The following CDH13 variants were observed in gnomAD, a reference collection of about 807,000 sequenced individuals.
CDH13 encodes cadherin-13.
A neutral mutation model predicts 63.8 loss-of-function variants in CDH13; 24 were observed. That is an observed-to-expected ratio of 0.38 (90% CI 0.27 to 0.53). The LOEUF (loss-of-function observed/expected upper bound fraction) is 0.53, where lower values mean the gene tolerates loss of function less well. Ranked by LOEUF, CDH13 falls within the 20% of genes least tolerant of loss-of-function variation. The probability of loss-of-function intolerance (pLI) is 0.85; values close to 1 mark genes in which losing one functional copy is unlikely to be tolerated. For missense variants in CDH13, 1,049 were observed against 903.1 expected, an observed-to-expected ratio of 1.16 and a Z score of -2.07; for synonymous variants, 503 against 355.3, an observed-to-expected ratio of 1.42 and a Z score of -4.67.
At chr16:83,768,948 C>T (rs1480560597) in intron 11 of CDH13, among the ~76,000 whole-genome samples, 1 of 152,176 alleles carries the variant, frequency 6.6e-6, no homozygotes, top group African/African-American at 2.4e-5. Flanking sequence ...GAATGCAGCC[C>T]AGTAGGTCTC....
chr16:83,566,183 G>C (rs563461267), intron 7 of CDH13, among the ~76,000 whole-genome samples: 10 of 152,238 alleles, frequency 6.6e-5, no homozygotes, highest in African/African-American at 2.4e-4. Context: ...GGATGTCCAG[G>C]CATTGGATAA....
Position 82,778,679 on chromosome 16 carries a change from A to G in CDH13, c.46-79683A>G, listed in dbSNP as rs112565997. Among the ~76,000 whole-genome samples, 272 of 150,932 alleles carry G rather than the reference A, an allele frequency of 1.8e-3. 1 individual carries two copies. Among genetic ancestry groups the G allele is most frequent in the Middle Eastern group, 6.8e-3 (2 of 294 alleles). The stretch of plus-strand genomic sequence containing the variant: ...CTCCTTCCTCACTGATTGTTATTCT[A>G]TGCATTTTCTTCCTAAAACTAGTAG... On this transcript the variant is annotated intron_variant, in intron 1 of 13. Transcript: ENST00000567109.
At chr16:82,877,556 C>T (rs2040545590) in intron 2 of CDH13, among the ~76,000 whole-genome samples, 1 of 152,156 alleles carries the variant, frequency 6.6e-6, no homozygotes, top group Admixed American at 6.5e-5. Flanking sequence ...CACTATTCTG[C>T]AGAGTGGTAA....
At chr16:83,578,691 A>G (rs1270187199) in intron 7 of CDH13, among the ~76,000 whole-genome samples, 1 of 152,210 alleles carries the variant, frequency 6.6e-6, no homozygotes, top group African/African-American at 2.4e-5. Context: ...ATGAACATAC[A>G]TAGATGGTCT....
chr16:82,849,481 A>G (rs2039394403), intron 1 of CDH13, among the ~76,000 whole-genome samples: 1 of 152,186 alleles, frequency 6.6e-6, no homozygotes, highest in African/African-American at 2.4e-5. Flanking sequence ...CAGCCTGGTG[A>G]CAGAGTGAGA....
chr16:83,622,211 A>G lies in CDH13; in HGVS notation c.1101+19617A>G, dbSNP rs1488321470. ...ATTGTGCCCATTTCACAGATGAGGA[A>G]ACTGAGGCACAGAGAGGTTTAGGAC... On this transcript the variant is annotated intron_variant, in intron 8 of 13. Coordinates refer to ENST00000567109, the MANE Select transcript of CDH13 (RefSeq NM_001257.5). 2.0e-5 allele frequency among the ~76,000 whole-genome samples: 3 copies of G among 152,160 alleles called. No homozygotes were observed. The East Asian group carries it at 5.8e-4, about 29-fold the overall frequency.
intron 1 of CDH13, among the ~76,000 whole-genome samples, chr16:82,851,448 AAAG>A (rs1407676288): frequency 0.33 from 30,705 of 92,362 alleles, 4,516 homozygotes; most frequent in Non-Finnish European, 0.44. Context: ...AAAAAAATAA[AAAG>A]AAAAAGAAAA....
rs137856299 is a variant in CDH13, at chr16:82,934,390, A to T, written c.157+75917A>T. Among the ~76,000 whole-genome samples the T allele has an allele frequency of 4.0e-3, 614 of 152,230 alleles. 1 individual carries two copies. The highest frequency in any genetic ancestry group is 0.014 in the African/African-American group (572 of 41,548). On this transcript the variant is annotated intron_variant, in intron 2 of 13. Transcript: ENST00000567109. ...AGCACTAAGTCCTTAGGCTGCACAC[A>T]GCTGGGGGGCCCTGGCTCCAGCCCA...
intron 8 of CDH13, among the ~76,000 whole-genome samples, chr16:83,647,765 G>C (rs954568264): frequency 6.6e-6 from 1 of 152,154 alleles, no homozygotes; most frequent in African/African-American, 2.4e-5. Flanking sequence ...TATCTGGTTG[G>C]TGGGTACCAG....
At chr16:83,548,850 C>A (rs2075436902) in intron 7 of CDH13, among the ~76,000 whole-genome samples, 2 of 152,104 alleles carry the variant, frequency 1.3e-5, no homozygotes, top group African/African-American at 2.4e-5. Context: ...ATGATCCTTG[C>A]ATTAGAATGG....
chr16:83,301,374 C>T (rs919540515), intron 5 of CDH13, among the ~76,000 whole-genome samples: 1 of 152,010 alleles, frequency 6.6e-6, no homozygotes, highest in Non-Finnish European at 1.5e-5. Flanking sequence ...TACATTTATC[C>T]ACTCTACCTC....
At chr16:83,587,305 C>A in intron 7 of CDH13, among the ~76,000 whole-genome samples, 1 of 152,114 alleles carries the variant, frequency 6.6e-6, no homozygotes, top group Admixed American at 6.5e-5. Context: ...AATTAGTGGG[C>A]AGGGACCATT....
chr16:83,550,829 T>C (rs1315876924), intron 7 of CDH13, among the ~76,000 whole-genome samples: 1 of 152,130 alleles, frequency 6.6e-6, no homozygotes, highest in Non-Finnish European at 1.5e-5. Context: ...CTTCCAGAAT[T>C]CTACTTTTTC....
chr16:83,364,874 A>C (rs1483658644), intron 6 of CDH13, among the ~76,000 whole-genome samples: 3 of 152,150 alleles, frequency 2.0e-5, no homozygotes, highest in Non-Finnish European at 4.4e-5. Context: ...ACACATGGAC[A>C]CAGGGAGGGG....
chr16:82,830,821 G>A (rs757270493), intron 1 of CDH13, among the ~76,000 whole-genome samples: 35 of 152,142 alleles, frequency 2.3e-4, no homozygotes, highest in Non-Finnish European at 3.4e-4. Flanking sequence ...ATCCCACCCT[G>A]GGCATAGCCT....
intron 1 of CDH13, among the ~76,000 whole-genome samples, chr16:82,690,728 G>T (rs540587992): frequency 1.6e-4 from 24 of 152,318 alleles, no homozygotes; most frequent in African/African-American, 5.8e-4. Context: ...AAGAAACATG[G>T]TAGATATCCT....
intron 7 of CDH13, among the ~76,000 whole-genome samples, chr16:83,525,818 A>T (rs1446383399): frequency 6.6e-6 from 1 of 152,202 alleles, no homozygotes; most frequent in Admixed American, 6.5e-5. Flanking sequence ...GTGAAGACTG[A>T]AGAAGAGAAC....
intron 1 of CDH13, among the ~76,000 whole-genome samples, chr16:82,671,535 A>G (rs995485284): frequency 6.6e-6 from 1 of 152,226 alleles, no homozygotes; most frequent in African/African-American, 2.4e-5. Flanking sequence ...ATATCAAAGC[A>G]GATCAATTTT....
intron 2 of CDH13, among the ~76,000 whole-genome samples, chr16:82,985,958 G>A (rs183284080): frequency 3.9e-4 from 59 of 152,084 alleles, no homozygotes; most frequent in East Asian, 7.7e-4. Flanking sequence ...GAAGCTTCCC[G>A]AAGCCTCCCC....
Sources: allele counts gnomAD v4.1 joint callset (sites outside exome capture counted in the v4.1 genomes callset), GRCh38; gene constraint gnomAD v4.1.1; transcripts MANE v1.5; gene names NCBI Gene and HGNC (gene_info 2026-07-23, HGNC 2026-07-21).